TENM2: variants seen among roughly 807,000 people sequenced by gnomAD.
TENM2 encodes the protein teneurin transmembrane protein 2.
Under a neutral mutation model 245.2 loss-of-function variants are expected in TENM2, and 52 were observed. That is an observed-to-expected ratio of 0.21 (90% confidence interval 0.17 to 0.27). The LOEUF (loss-of-function observed/expected upper bound fraction) is 0.27. TENM2 is among the 10% of genes least tolerant of loss of function. The pLI is 1.00. For missense variants in TENM2, 3,046 were observed against 3,666.8 expected, an observed-to-expected ratio of 0.83 and a Z score of 4.37; for synonymous variants, 1,363 against 1,438.9, an observed-to-expected ratio of 0.95 and a Z score of 1.19.
intron 3 of TENM2, among the ~76,000 whole-genome samples, chr5:167,931,960 A>G (rs1393582517): frequency 6.6e-6 from 1 of 152,234 alleles, no homozygotes; most frequent in Non-Finnish European, 1.5e-5. Flanking sequence ...TAAAGATAGC[A>G]GTGTGACATT....
the TENM2 span, among the ~76,000 whole-genome samples, chr5:167,021,049 C>T: frequency 9.4e-4 from 143 of 152,268 alleles, 1 homozygote; most frequent in African/African-American, 3.4e-3. Flanking sequence ...GAGGCTGAGG[C>T]ACAAGAATTG....
At chr5:167,748,388 A>ATT (rs5873066) in intron 2 of TENM2, among the ~76,000 whole-genome samples, 7 of 151,936 alleles carry the variant, frequency 4.6e-5, no homozygotes, top group African/African-American at 1.7e-4. Context: ...TTAGAGGACA[A>ATT]TTTTTTAAGA....
At position 167,431,916 on chromosome 5, in the gene TENM2, TATATATATATAC is replaced by T. The variant is rs1286132612; in HGVS notation, c.502+56464_502+56475del. Among the ~76,000 whole-genome samples the T allele has an allele frequency of 9.6e-3, 1,318 of 137,024 alleles. 19 individuals carry two copies. Among genetic ancestry groups the T allele is most frequent in the Admixed American group, 0.017 (221 of 13,256 alleles). 89.9% of individuals were successfully genotyped at this position (137,024 alleles called of 152,430 possible). On this transcript the variant is annotated intron_variant, in intron 2 of 28. Transcript: ENST00000518659. Reference sequence around the variant, plus strand: ...TTTAGCTCATGATTCCAAGGTGTGATATATATATATACATATATATATACATATATATGTATA... The same window carrying T: ...TTTAGCTCATGATTCCAAGGTGTGATATATATATATACATATATATGTATA...
chr5:167,380,526 T>C (rs1265994287), intron 2 of TENM2, among the ~76,000 whole-genome samples: 1 of 152,172 alleles, frequency 6.6e-6, no homozygotes, highest in Admixed American at 6.5e-5. Context: ...GGCATGGTCT[T>C]TAGTTATTTA....
chr5:167,413,915 C>G (rs1037646263), intron 2 of TENM2, among the ~76,000 whole-genome samples: 1 of 152,118 alleles, frequency 6.6e-6, no homozygotes, highest in African/African-American at 2.4e-5. Context: ...CAATACTTTA[C>G]CACCTAACGT....
chr5:167,004,323 GTT>G, the TENM2 span, among the ~76,000 whole-genome samples: 1 of 152,094 alleles, frequency 6.6e-6, no homozygotes, highest in Non-Finnish European at 1.5e-5. Context: ...TTCAGTTTCT[GTT>G]TTTGATCTGT....
At chr5:167,379,572 C>T (rs1414684574) in intron 2 of TENM2, among the ~76,000 whole-genome samples, 2 of 152,126 alleles carry the variant, frequency 1.3e-5, no homozygotes, top group Non-Finnish European at 2.9e-5. Flanking sequence ...TCTATTTCTA[C>T]TCCCACTCTA....
intron 2 of TENM2, among the ~76,000 whole-genome samples, chr5:167,378,496 C>T (rs896339970): frequency 6.6e-6 from 1 of 151,196 alleles, no homozygotes; most frequent in Non-Finnish European, 1.5e-5. Flanking sequence ...ATATAAAACT[C>T]TCAGATTCAT....
intron 2 of TENM2, among the ~76,000 whole-genome samples, chr5:167,759,907 A>T (rs77705945): frequency 7.1e-4 from 4 of 5,622 alleles, no homozygotes; most frequent in East Asian, 0.5. Flanking sequence ...GTGATTTTTT[A>T]AAAAAACATA....
intron 2 of TENM2, among the ~76,000 whole-genome samples, chr5:167,512,960 G>A (rs1029547648): frequency 1.3e-5 from 2 of 152,100 alleles, no homozygotes; most frequent in Non-Finnish European, 2.9e-5. Context: ...ATTAGTACAC[G>A]AATAAAGGAG....
chr5:167,251,888 T>C, the TENM2 span, among the ~76,000 whole-genome samples: 1 of 152,162 alleles, frequency 6.6e-6, no homozygotes, highest in African/African-American at 2.4e-5. Context: ...GAAGGATAGA[T>C]AATGTTGGAG....
chr5:167,211,768 TTAG>T, the TENM2 span, among the ~76,000 whole-genome samples: 1 of 152,156 alleles, frequency 6.6e-6, no homozygotes. Flanking sequence ...TTTTTTTCTC[TTAG>T]TAGTAATAAT....
At chr5:167,778,766 C>G (rs944988434) in intron 2 of TENM2, among the ~76,000 whole-genome samples, 4 of 152,168 alleles carry the variant, frequency 2.6e-5, no homozygotes, top group African/African-American at 7.2e-5. Context: ...GATACTTAAT[C>G]TGGGTGAAAA....
chr5:167,287,218 AC>A (rs1288307722), intron 1 of TENM2: 1 of 152,240 alleles, frequency 6.6e-6, no homozygotes, highest in Non-Finnish European at 1.5e-5. Flanking sequence ...GAGAGGAGGA[AC>A]AGGAGATACA....
the TENM2 span, among the ~76,000 whole-genome samples, chr5:166,988,811 T>C: frequency 3.3e-5 from 5 of 152,172 alleles, no homozygotes; most frequent in Non-Finnish European, 5.9e-5. Flanking sequence ...GCTTGCACAA[T>C]GCCTGCAAGA....
At chr5:167,312,428 G>C (rs1399665825) in intron 1 of TENM2, among the ~76,000 whole-genome samples, 1 of 152,018 alleles carries the variant, frequency 6.6e-6, no homozygotes, top group African/African-American at 2.4e-5. Flanking sequence ...ATGTCAGAAG[G>C]AGCTCTTGCA....
intron 12 of TENM2, among the ~76,000 whole-genome samples, chr5:168,145,139 A>C (rs1755934945): frequency 7.0e-6 from 1 of 142,638 alleles, no homozygotes; most frequent in South Asian, 2.4e-4. Flanking sequence ...TTGCCTGTTC[A>C]CTCTGATGGT....
At chr5:167,583,703 T>G (rs563476606) in intron 2 of TENM2, among the ~76,000 whole-genome samples, 7 of 152,318 alleles carry the variant, frequency 4.6e-5, no homozygotes, top group Non-Finnish European at 1.0e-4. Flanking sequence ...ATGCTGTGTT[T>G]CCTGTCCTCA....
chr5:167,841,546 A>C (rs1769519555), intron 2 of TENM2, among the ~76,000 whole-genome samples: 1 of 152,204 alleles, frequency 6.6e-6, no homozygotes, highest in Admixed American at 6.5e-5. Context: ...TAACTAATTA[A>C]GGGTGAGATC....
Sources: gnomAD v4.1 joint callset for allele counts (sites outside exome capture counted in the v4.1 genomes callset) on GRCh38, gnomAD v4.1.1 for gene constraint, MANE v1.5 for transcripts, NCBI Gene and HGNC (gene_info 2026-07-23, HGNC 2026-07-21) for gene names.